The following FOXN3 variants were observed in gnomAD, a reference collection of about 807,000 sequenced individuals.
FOXN3 encodes the protein forkhead box N3, also known as forkhead box protein N3.
Under a neutral mutation model 38.4 loss-of-function variants are expected in FOXN3, and 7 were observed. The ratio of observed to expected loss-of-function variants is 0.18; its 90% CI spans 0.10 to 0.34. The LOEUF is 0.34. Among genes scored for constraint, FOXN3 ranks in the 10% least tolerant of loss-of-function variants. The probability of loss-of-function intolerance (pLI) is 1.00; values close to 1 mark genes in which losing one functional copy is unlikely to be tolerated. For synonymous variants in FOXN3, 230 were observed against 242.2 expected, an observed-to-expected ratio of 0.95 and a Z score of 0.47; for missense variants, 456 against 613.4, an observed-to-expected ratio of 0.74 and a Z score of 2.71.
intron 1 of FOXN3, among the ~76,000 whole-genome samples, chr14:89,447,663 G>A (rs1892530921): frequency 6.6e-6 from 1 of 151,932 alleles, no homozygotes; most frequent in Non-Finnish European, 1.5e-5. Context: ...AGGCTCCCAA[G>A]GGCCGCACAA....
At chr14:89,543,524 T>C (rs1054281223) in intron 1 of FOXN3, among the ~76,000 whole-genome samples, 5 of 152,174 alleles carry the variant, frequency 3.3e-5, no homozygotes, top group Non-Finnish European at 7.3e-5. Flanking sequence ...TGGGCTAGAA[T>C]AGTAGTGTTA....
chr14:89,319,656 A>C (rs569768566), intron 3 of FOXN3, among the ~76,000 whole-genome samples: 1 of 152,232 alleles, frequency 6.6e-6, no homozygotes, highest in East Asian at 1.9e-4. Flanking sequence ...ACCAAGGGCT[A>C]ACCTTGCAAG....
intron 1 of FOXN3, among the ~76,000 whole-genome samples, chr14:89,614,228 T>C (rs1371862360): frequency 1.3e-5 from 2 of 152,198 alleles, no homozygotes; most frequent in African/African-American, 4.8e-5. Flanking sequence ...CACTGACTAA[T>C]AGAATAACAG....
intron 3 of FOXN3, among the ~76,000 whole-genome samples, chr14:89,333,966 G>GTGTATATATATA (rs1490383212): frequency 6.8e-5 from 9 of 131,562 alleles, no homozygotes; most frequent in African/African-American, 2.6e-4. Flanking sequence ...AATGTGGTGT[G>GTGTATATATATA]TATATATATA....
chr14:89,297,914 G>A (rs1887095155), intron 3 of FOXN3, among the ~76,000 whole-genome samples: 1 of 152,198 alleles, frequency 6.6e-6, no homozygotes, highest in South Asian at 2.1e-4. Flanking sequence ...GAGCCCAGGA[G>A]TTCAAAGTTA....
At chr14:89,604,263 GCA>G (rs1219324322) in intron 1 of FOXN3, among the ~76,000 whole-genome samples, 34 of 123,954 alleles carry the variant, frequency 2.7e-4, no homozygotes, top group African/African-American at 6.5e-4. Flanking sequence ...ACACGCGCGC[GCA>G]CACACACAGA....
chr14:89,309,056 C>G (rs1304482700), intron 3 of FOXN3, among the ~76,000 whole-genome samples: 1 of 152,254 alleles, frequency 6.6e-6, no homozygotes, highest in East Asian at 1.9e-4. Flanking sequence ...AAAACTGTCT[C>G]TTTGTTTGTT....
intron 5 of FOXN3, among the ~76,000 whole-genome samples, chr14:89,167,546 C>T (rs937899021): frequency 6.6e-6 from 1 of 152,180 alleles, no homozygotes; most frequent in Non-Finnish European, 1.5e-5. Flanking sequence ...AAGTTCAAAG[C>T]TTCTTTTGAA....
At chr14:89,260,712 C>A (rs973467659) in intron 4 of FOXN3, among the ~76,000 whole-genome samples, 1 of 152,212 alleles carries the variant, frequency 6.6e-6, no homozygotes. Flanking sequence ...GCTTCCCTAC[C>A]CCCTAATATT....
intron 1 of FOXN3, among the ~76,000 whole-genome samples, chr14:89,591,594 G>A (rs1895953181): frequency 6.6e-6 from 1 of 151,790 alleles, no homozygotes; most frequent in Non-Finnish European, 1.5e-5. Flanking sequence ...GGCATCACCA[G>A]GAATTTAAGG....
intron 1 of FOXN3, among the ~76,000 whole-genome samples, chr14:89,502,626 A>G (rs1893826770): frequency 6.6e-6 from 1 of 152,220 alleles, no homozygotes; most frequent in Non-Finnish European, 1.5e-5. Context: ...GCATAAAATC[A>G]TGATACAGTT....
At chr14:89,324,215 C>G (rs1887976196) in intron 3 of FOXN3, among the ~76,000 whole-genome samples, 1 of 152,162 alleles carries the variant, frequency 6.6e-6, no homozygotes, top group African/African-American at 2.4e-5. Flanking sequence ...CAATGGGCAT[C>G]AAAGAAATCT....
chr14:89,195,743 C>T (rs113443804), intron 4 of FOXN3, among the ~76,000 whole-genome samples: 29 of 152,270 alleles, frequency 1.9e-4, no homozygotes, highest in African/African-American at 6.0e-4. Context: ...GAGTGCTTCA[C>T]GTTATATCTC....
intron 1 of FOXN3, among the ~76,000 whole-genome samples, chr14:89,546,807 A>C (rs933427732): frequency 3.3e-5 from 5 of 151,350 alleles, no homozygotes; most frequent in Non-Finnish European, 5.9e-5. Context: ...ATATACACAC[A>C]GAGTCTCGCT....
chr14:89,371,157 C>G (rs1277444566), intron 2 of FOXN3, among the ~76,000 whole-genome samples: 1 of 152,074 alleles, frequency 6.6e-6, no homozygotes, highest in Admixed American at 6.5e-5. Context: ...CCAAGAGTCA[C>G]CAGGGTCAGA....
chr14:89,233,295 CAGG>C (rs1181126222), intron 4 of FOXN3, among the ~76,000 whole-genome samples: 5 of 152,174 alleles, frequency 3.3e-5, no homozygotes, highest in South Asian at 2.1e-4. Context: ...CTTCACCCTG[CAGG>C]AGGAGGACAG....
At chr14:89,192,577 T>A (rs1020552896) in intron 4 of FOXN3, among the ~76,000 whole-genome samples, 3 of 141,702 alleles carry the variant, frequency 2.1e-5, no homozygotes, top group African/African-American at 7.6e-5. Flanking sequence ...ATAACACATA[T>A]GTTATATGTA....
At position 89,164,704 on chromosome 14, in the gene FOXN3, C is replaced by T. The variant is rs538237480; in HGVS notation, c.852-1735G>A. Among the ~76,000 whole-genome samples, 84 of 152,278 alleles carry T rather than the reference C, an allele frequency of 5.5e-4. No homozygotes were observed. Among genetic ancestry groups the T allele is most frequent in the African/African-American group, 1.9e-3 (81 of 41,560 alleles). On this transcript the variant is annotated intron_variant, in intron 5 of 5. Coordinates refer to ENST00000557258, the MANE Select transcript of FOXN3 (RefSeq NM_005197.4). This position sits in a 1 kb window ranked among gnomAD's most constrained non-coding sequence, Gnocchi z 4.3. The stretch of plus-strand genomic sequence containing the variant: ...GGAAATGACTGTGGGTCTCCACCAC[C>T]ATGACTCACCGGGCACACGCTGAGG...
chr14:89,549,798 T>C (rs1009371745), intron 1 of FOXN3, among the ~76,000 whole-genome samples: 3 of 152,232 alleles, frequency 2.0e-5, no homozygotes, highest in African/African-American at 4.8e-5. Flanking sequence ...GCGAGCTCCC[T>C]GCCCTTTGAT....
Sources: gnomAD v4.1 joint callset for allele counts (sites outside exome capture counted in the v4.1 genomes callset) on GRCh38, gnomAD v4.1.1 for gene constraint, Gnocchi (gnomAD v3.1) non-coding constraint, MANE v1.5 for transcripts, NCBI Gene and HGNC (gene_info 2026-07-23, HGNC 2026-07-21) for gene names.